The following CTBP1 variants were observed in gnomAD, a reference collection of about 807,000 sequenced individuals.
CTBP1 encodes C-terminal binding protein 1, also known as C-terminal-binding protein 1.
A neutral mutation model predicts 42.1 loss-of-function variants in CTBP1; 11 were observed. That is an observed-to-expected ratio of 0.26 (90% CI 0.16 to 0.43). CTBP1 has a LOEUF of 0.43. Ranked by LOEUF, CTBP1 falls within the 20% of genes least tolerant of loss-of-function variation. The probability of loss-of-function intolerance (pLI) is 1.00; values close to 1 mark genes in which losing one functional copy is unlikely to be tolerated. For missense variants in CTBP1, 399 were observed against 624.3 expected (o/e 0.64, Z 3.85); for synonymous variants, 324 against 277.1 (o/e 1.17, Z -1.68).
intron 5 of CTBP1, among the ~76,000 whole-genome samples, chr4:1,222,415 C>G (rs1729844418): frequency 6.6e-6 from 1 of 152,226 alleles, no homozygotes; most frequent in Non-Finnish European, 1.5e-5. Context: ...CAGAGGGGCC[C>G]GCGCCGAGAG....
intron 4 of CTBP1, among the ~76,000 whole-genome samples, chr4:1,227,836 G>T (rs761175094): frequency 6.6e-6 from 1 of 152,226 alleles, no homozygotes; most frequent in Non-Finnish European, 1.5e-5. Context: ...TGCTGTTCCC[G>T]CTGTGTCTCG....
chr4:1,219,500 T>C (rs1388702233), intron 5 of CTBP1, among the ~76,000 whole-genome samples: 4 of 152,252 alleles, frequency 2.6e-5, no homozygotes, highest in Non-Finnish European at 5.9e-5. Flanking sequence ...GGAAACGTCC[T>C]ACTTAATGGT....
At chr4:1,230,686 G>A (rs866459273) in intron 3 of CTBP1, among the ~76,000 whole-genome samples, 2 of 152,246 alleles carry the variant, frequency 1.3e-5, no homozygotes, top group African/African-American at 4.8e-5. Context: ...CACGGGCCTC[G>A]AAAAGTCGAT....
chr4:1,243,152 C>T, intron 1 of CTBP1: 1 of 985,456 alleles, frequency 1.0e-6, no homozygotes, highest in Non-Finnish European at 1.2e-6. Context: ...TCAATACTGC[C>T]CACAGCAGCA....
Position 1,241,412 on chromosome 4 carries a change from G to T in CTBP1, c.-81C>A, listed in dbSNP as rs373131453. 3 of 1,343,598 alleles carry T rather than the reference G, an allele frequency of 2.2e-6. No individual in the cohort carries two copies. The highest frequency in any genetic ancestry group is 2.1e-6 in the Non-Finnish European group (2 of 933,216). The allele number at this position is 1,343,598 out of a possible 1,614,324, so 83.2% of individuals were successfully genotyped here. A position where few individuals can be genotyped will look rare whatever the true frequency, so the allele number is the denominator to read the frequency against. On this transcript the variant is annotated 5_prime_UTR_variant, in exon 2 of 10. Transcript: ENST00000382952. ...ATCTTCAGGATCCCCAGGCAGAACCGCGTCCTGTCTCGGAGCCTCATCCCA... is the reference window on the plus strand; with the variant it reads ...ATCTTCAGGATCCCCAGGCAGAACCTCGTCCTGTCTCGGAGCCTCATCCCA...
intron 4 of CTBP1, among the ~76,000 whole-genome samples, chr4:1,226,240 T>G (rs1325867264): frequency 6.6e-6 from 1 of 151,970 alleles, no homozygotes; most frequent in Non-Finnish European, 1.5e-5. Flanking sequence ...CTGAGCCTAT[T>G]TACCCTCATC....
Position 1,244,153 on chromosome 4 carries a change from T to C in CTBP1, c.-188-2634A>G, listed in dbSNP as rs1049383181. ...GCCTCCTGGCCACATGTCAACGCCC[T>C]GTCTCTGGATGCACATCACCATCTG... On this transcript the variant is annotated intron_variant, in intron 1 of 9. Coordinates refer to ENST00000382952, the MANE Select transcript of CTBP1 (RefSeq NM_001012614.2). 7.1e-6 allele frequency: 7 copies of C among 985,142 alleles called. No individual in the cohort carries two copies. In the Admixed American group the frequency reaches 3.1e-4, roughly 43 times the overall value. The allele number at this position is 985,142 out of a possible 1,614,324, so 61.0% of individuals were successfully genotyped here. A position where few individuals can be genotyped will look rare whatever the true frequency, so the allele number is the denominator to read the frequency against.
rs1382338877 is a variant in CTBP1, at chr4:1,245,805, G to A, written c.-189+3111C>T. On this transcript the variant is annotated intron_variant, in intron 1 of 9. Transcript: ENST00000382952. ...CCAGGCCTGGAGAGTTAACGGCGGT[G>A]CCAGGGGAGGGTGCAGAAGGGGCCT... 2.0e-5 allele frequency among the ~76,000 whole-genome samples: 3 copies of A among 152,188 alleles called. No homozygotes were observed. In the East Asian group the frequency reaches 5.8e-4, roughly 29 times the overall value.
chr4:1,241,040 T>C (rs1005286930), intron 2 of CTBP1, among the ~76,000 whole-genome samples: 2 of 152,170 alleles, frequency 1.3e-5, no homozygotes, highest in Non-Finnish European at 2.9e-5. Context: ...GGCCTCCACA[T>C]GGAGGCCCTC....
intron 5 of CTBP1, 76 bp from the exon 6 acceptor site, chr4:1,216,281 A>G (rs1729108666): frequency 7.0e-7 from 1 of 1,425,320 alleles, no homozygotes; most frequent in Non-Finnish European, 9.5e-7. Flanking sequence ...CCAGGGTCGG[A>G]GTGGCCTCTG....
intron 1 of CTBP1, among the ~76,000 whole-genome samples, chr4:1,246,818 T>C (rs940402504): frequency 1.3e-5 from 2 of 152,070 alleles, no homozygotes; most frequent in African/African-American, 4.8e-5. Context: ...AGAGCATGAC[T>C]ACTTCTGTCC....
intron 8 of CTBP1, 65 bp from the exon 9 acceptor site, chr4:1,213,095 G>A (rs938232564): frequency 7.5e-7 from 1 of 1,338,382 alleles, no homozygotes; most frequent in Non-Finnish European, 1.1e-6. Flanking sequence ...TGGCCCACTG[G>A]GTTGAAGACA....
chr4:1,231,648 G>A (rs972069796), intron 3 of CTBP1, among the ~76,000 whole-genome samples: 1 of 152,224 alleles, frequency 6.6e-6, no homozygotes, highest in Non-Finnish European at 1.5e-5. Flanking sequence ...TCCAGACCTC[G>A]TGCACAGGGG....
intron 1 of CTBP1, chr4:1,243,769 G>A: frequency 2.0e-6 from 2 of 985,452 alleles, no homozygotes; most frequent in Non-Finnish European, 2.4e-6. Flanking sequence ...CCGAGGTGAA[G>A]GCACACGGCT....
chr4:1,248,860 ACCCGCCCCGC>A (rs1000365735), intron 1 of CTBP1, 46 bp downstream of exon 1: 1 of 562,218 alleles, frequency 1.8e-6, no homozygotes, highest in Non-Finnish European at 2.2e-6. Flanking sequence ...CCCGCGCGGC[ACCCGCCCCGC>A]CCCGCCCCCG....
At chr4:1,245,204 C>G (rs1051446521) in intron 1 of CTBP1, 2 of 985,342 alleles carry the variant, frequency 2.0e-6, no homozygotes, top group Admixed American at 6.1e-5. Context: ...CCGCACTCCA[C>G]GGGGCCTGCA....
rs753295532 is a variant in CTBP1 at position 1,238,112 on chromosome 4, G to A, written c.162+71C>T. On this transcript the variant is annotated intron_variant, in intron 3 of 9. Coordinates refer to ENST00000382952, the MANE Select transcript of CTBP1 (RefSeq NM_001012614.2). This position sits in a 1 kb window ranked among gnomAD's most constrained non-coding sequence, Gnocchi z 5.9. ...CCCAGACCTGCTGTGGCCCGGGCCT[G>A]CCGTGCTCCCGTCCCTCCAACTCCC... The A allele has an allele frequency of 8.1e-6, 13 of 1,598,804 alleles. No individual in the cohort carries two copies. The African/African-American group carries it at 1.2e-4, about 15-fold the overall frequency.
intron 3 of CTBP1, among the ~76,000 whole-genome samples, chr4:1,231,295 G>A (rs1433210255): frequency 2.6e-5 from 4 of 152,180 alleles, no homozygotes; most frequent in Non-Finnish European, 5.9e-5. Context: ...GGTCTCCCAC[G>A]GAGAAAGTCT....
chr4:1,245,153 C>T (rs780087676), intron 1 of CTBP1: 13 of 985,344 alleles, frequency 1.3e-5, no homozygotes, highest in South Asian at 9.4e-5. Context: ...CGAGCCGATA[C>T]GGCACCTTGG....
Sources: allele counts gnomAD v4.1 joint callset (sites outside exome capture counted in the v4.1 genomes callset), GRCh38; gene constraint gnomAD v4.1.1; non-coding constraint Gnocchi (gnomAD v3.1); transcripts MANE v1.5; gene names NCBI Gene and HGNC (gene_info 2026-07-23, HGNC 2026-07-21).